The following STPG2 variants were observed in gnomAD, a reference collection of about 807,000 sequenced individuals.
The protein encoded by STPG2 is sperm-tail PG-rich repeat-containing protein 2.
A neutral mutation model predicts 54.2 loss-of-function variants in STPG2; 56 were observed. The observed-to-expected ratio is 1.03, with a 90% CI of 0.83 to 1.29. STPG2 has a LOEUF of 1.29. Ranked by LOEUF, STPG2 falls within the 50% of genes most tolerant of loss-of-function variation. The pLI is 0.00. For missense variants in STPG2, 596 were observed against 544.9 expected (o/e 1.09, Z -0.93); for synonymous variants, 200 against 181.8 (o/e 1.10, Z -0.81).
chr4:97,525,117 T>C (rs2148849273), intron 4 of STPG2, among the ~76,000 whole-genome samples: 1 of 152,090 alleles, frequency 6.6e-6, no homozygotes, highest in Admixed American at 6.6e-5. Flanking sequence ...TTTGGACCAC[T>C]CTAGCATTTT....
At chr4:98,109,864 T>C (rs1055481776) in intron 3 of STPG2, among the ~76,000 whole-genome samples, 1 of 152,132 alleles carries the variant, frequency 6.6e-6, no homozygotes, top group Non-Finnish European at 1.5e-5. Flanking sequence ...GAGAAATTAT[T>C]TGTGACATGA....
At chr4:97,614,745 T>C (rs1733816912) in intron 10 of STPG2, among the ~76,000 whole-genome samples, 2 of 152,140 alleles carry the variant, frequency 1.3e-5, no homozygotes, top group African/African-American at 2.4e-5. Context: ...ATCCTACTTG[T>C]TGAAAATTTT....
At chr4:98,109,415 A>G (rs113388338) in intron 3 of STPG2, 110 bp from the exon 4 acceptor site, 2 of 751,868 alleles carry the variant, frequency 2.7e-6, no homozygotes. Flanking sequence ...TAGCCTCAGT[A>G]AGGGGGTTCC....
At chr4:98,011,318 C>T (rs1468916883) in intron 5 of STPG2, among the ~76,000 whole-genome samples, 2 of 152,138 alleles carry the variant, frequency 1.3e-5, no homozygotes, top group Non-Finnish European at 1.5e-5. Context: ...GCATAGTATT[C>T]CATGGTGTAT....
intron 4 of STPG2, among the ~76,000 whole-genome samples, chr4:97,553,317 T>C (rs1282840922): frequency 2.6e-5 from 4 of 152,204 alleles, no homozygotes; most frequent in African/African-American, 9.6e-5. Context: ...CATAATAATA[T>C]GTTGCTGCAA....
chr4:97,505,068 T>A (rs953503767), intron 4 of STPG2, among the ~76,000 whole-genome samples: 36 of 151,858 alleles, frequency 2.4e-4, no homozygotes, highest in African/African-American at 8.5e-4. Flanking sequence ...TTAGATAATC[T>A]AAGTAGGATC....
intron 10 of STPG2, among the ~76,000 whole-genome samples, chr4:97,613,654 T>C (rs908309678): frequency 2.0e-5 from 3 of 152,050 alleles, no homozygotes; most frequent in Admixed American, 1.3e-4. Context: ...ATTTGTTAAA[T>C]CATTAATTTG....
chr4:98,075,401 G>A (rs1738131393), intron 5 of STPG2, among the ~76,000 whole-genome samples: 1 of 152,190 alleles, frequency 6.6e-6, no homozygotes, highest in South Asian at 2.1e-4. Context: ...CTAACCCTGT[G>A]AAACTGCTGG....
chr4:98,077,902 G>A (rs1242539894), intron 5 of STPG2, among the ~76,000 whole-genome samples: 1 of 152,080 alleles, frequency 6.6e-6, no homozygotes, highest in Non-Finnish European at 1.5e-5. Context: ...TTGTGCAATT[G>A]CCCTCCAACA....
chr4:97,851,383 C>T (rs1729153434), intron 8 of STPG2, among the ~76,000 whole-genome samples: 3 of 152,174 alleles, frequency 2.0e-5, no homozygotes, highest in Admixed American at 2.0e-4. Context: ...TTTTGTTTAG[C>T]CTTGTTGTTA....
intron 4 of STPG2, among the ~76,000 whole-genome samples, chr4:97,496,452 T>C (rs1730613169): frequency 6.6e-6 from 1 of 151,738 alleles, no homozygotes; most frequent in Non-Finnish European, 1.5e-5. Context: ...CTGATTTGCT[T>C]TTCAGTCAAA....
chr4:97,566,874 G>C (rs1203316743), intron 10 of STPG2, among the ~76,000 whole-genome samples: 1 of 147,918 alleles, frequency 6.8e-6, no homozygotes, highest in Non-Finnish European at 1.5e-5. Flanking sequence ...ACACTCTGGG[G>C]ACTGTTGTGG....
At chr4:97,990,248 C>T (rs1734961377) in intron 5 of STPG2, among the ~76,000 whole-genome samples, 1 of 152,042 alleles carries the variant, frequency 6.6e-6, no homozygotes, top group African/African-American at 2.4e-5. Context: ...CTTTCCTTCA[C>T]TAAAATAACA....
intron 10 of STPG2, among the ~76,000 whole-genome samples, chr4:97,663,801 C>T (rs943440281): frequency 3.3e-5 from 5 of 151,904 alleles, no homozygotes; most frequent in African/African-American, 7.3e-5. Flanking sequence ...CCAGCAAAGG[C>T]GATGAAACTA....
intron 8 of STPG2, among the ~76,000 whole-genome samples, chr4:97,909,731 A>AG (rs1731606481): frequency 2.0e-5 from 3 of 152,224 alleles, no homozygotes; most frequent in Admixed American, 1.3e-4. Flanking sequence ...AAAATGCTTA[A>AG]TAAAATTTAG....
chr4:97,553,371 A>C (rs1732008563), intron 4 of STPG2, among the ~76,000 whole-genome samples: 1 of 152,186 alleles, frequency 6.6e-6, no homozygotes, highest in Admixed American at 6.5e-5. Context: ...TGCTATGAGG[A>C]CAAGTCATCC....
intron 5 of STPG2, among the ~76,000 whole-genome samples, chr4:98,076,643 C>T (rs1738175558): frequency 6.6e-6 from 1 of 152,118 alleles, no homozygotes; most frequent in African/African-American, 2.4e-5. Flanking sequence ...AGTCAATCCT[C>T]ATGTTCCCTG....
intron 9 of STPG2, among the ~76,000 whole-genome samples, chr4:97,749,219 A>G (rs1341538167): frequency 6.6e-6 from 1 of 151,736 alleles, no homozygotes; most frequent in African/African-American, 2.4e-5. Context: ...CTTTACTTAA[A>G]CCTAAAAATT....
chr4:97,843,032 A>T (rs1728847111), intron 8 of STPG2, among the ~76,000 whole-genome samples: 1 of 151,910 alleles, frequency 6.6e-6, no homozygotes, highest in African/African-American at 2.4e-5. Flanking sequence ...TAGTACCCTA[A>T]ATGAGCTGAA....
Sources: allele counts gnomAD v4.1 joint callset (sites outside exome capture counted in the v4.1 genomes callset), GRCh38; gene constraint gnomAD v4.1.1; transcripts MANE v1.5; gene names NCBI Gene and HGNC (gene_info 2026-07-23, HGNC 2026-07-21).